RYR2: variants seen among roughly 807,000 people sequenced by gnomAD.
RYR2 encodes cardiac muscle ryanodine receptor-calcium release channel.
Under a neutral mutation model 601.1 loss-of-function variants are expected in RYR2, and 227 were observed. The observed-to-expected ratio is 0.38, with a 90% CI of 0.34 to 0.42. The LOEUF (loss-of-function observed/expected upper bound fraction) is 0.42, where lower values mean the gene tolerates loss of function less well. Among genes scored for constraint, RYR2 ranks in the 10% least tolerant of loss-of-function variants. The probability of loss-of-function intolerance (pLI) is 1.00; values close to 1 mark genes in which losing one functional copy is unlikely to be tolerated. For missense variants in RYR2, 4,646 were observed against 6,156.5 expected (o/e 0.75, Z 8.21); for synonymous variants, 2,223 against 2,175.1 (o/e 1.02, Z -0.61).
intron 42 of RYR2, 91 bp downstream of exon 42, chr1:237,631,632 T>G: frequency 1.7e-6 from 1 of 605,262 alleles, no homozygotes; most frequent in East Asian, 4.4e-5. Context: ...TTTTTTTTTT[T>G]TTTTTTTTTT....
At chr1:237,631,840 G>C (rs1018602466) in intron 42 of RYR2, among the ~76,000 whole-genome samples, 2 of 145,344 alleles carry the variant, frequency 1.4e-5, no homozygotes, top group Non-Finnish European at 3.0e-5. Flanking sequence ...GTGTTAGCCA[G>C]GATGGTCTCG....
At chr1:237,330,168 A>G (rs1338383111) in intron 2 of RYR2, among the ~76,000 whole-genome samples, 1 of 152,214 alleles carries the variant, frequency 6.6e-6, no homozygotes, top group African/African-American at 2.4e-5. Context: ...TTTAATCCTT[A>G]GCGTGAAAAT....
At chr1:237,495,777 C>G (rs1664007534) in intron 19 of RYR2, among the ~76,000 whole-genome samples, 1 of 152,174 alleles carries the variant, frequency 6.6e-6, no homozygotes, top group South Asian at 2.1e-4. Flanking sequence ...CCCCATGCCC[C>G]ATGTGACACA....
intron 10 of RYR2, among the ~76,000 whole-genome samples, chr1:237,399,194 CA>C (rs58473331): frequency 0.4 from 60,540 of 151,470 alleles, 13,325 homozygotes; most frequent in East Asian, 0.71. Flanking sequence ...GTCTCTGTCT[CA>C]AAAAAAACAT....
chr1:237,447,760 T>C (rs1657551146), intron 14 of RYR2, among the ~76,000 whole-genome samples: 1 of 146,340 alleles, frequency 6.8e-6, no homozygotes, highest in Admixed American at 6.7e-5. Context: ...CTTTCTTTCT[T>C]TTCTTTCCGT....
At chr1:237,783,599 A>T in intron 89 of RYR2, 76 bp from the exon 90 acceptor site, 2 of 832,988 alleles carry the variant, frequency 2.4e-6, no homozygotes, top group Non-Finnish European at 3.8e-6. Context: ...GTTATTAAAG[A>T]TCTACATTGT....
At chr1:237,201,908 T>G (rs1277074345) in intron 1 of RYR2, among the ~76,000 whole-genome samples, 1 of 152,220 alleles carries the variant, frequency 6.6e-6, no homozygotes, top group African/African-American at 2.4e-5. Flanking sequence ...TTATCATATC[T>G]ACTGATACAC....
intron 19 of RYR2, 145 bp from the exon 20 acceptor site, chr1:237,496,366 C>G: frequency 1.9e-6 from 2 of 1,062,664 alleles, no homozygotes; most frequent in Non-Finnish European, 2.7e-6. Flanking sequence ...TATGATTGCA[C>G]TACTGCGCTT....
chr1:237,133,156 C>T (rs971610217), intron 1 of RYR2, among the ~76,000 whole-genome samples: 4 of 152,056 alleles, frequency 2.6e-5, no homozygotes, highest in Non-Finnish European at 4.4e-5. Flanking sequence ...CAAGTCTGCA[C>T]ACAGGACTTC....
At chr1:237,508,904 G>A (rs1460057171) in intron 23 of RYR2, among the ~76,000 whole-genome samples, 6 of 150,798 alleles carry the variant, frequency 4.0e-5, no homozygotes, top group African/African-American at 9.8e-5. Context: ...TACCACGCCC[G>A]GCTAATTTTT....
In RYR2 at chr1:237,610,981, G is replaced by A; in HGVS notation, c.4903G>A (p.Glu1635Lys). The A allele has an allele frequency of 6.2e-7, 1 of 1,611,758 alleles. No homozygotes were observed. Among genetic ancestry groups the A allele is most frequent in the Non-Finnish European group, 8.5e-7 (1 of 1,178,882 alleles). ...GTTCATGTCTCTTCATATCCCTGAGGAAAACAGGTCAGCCCCAGTGAATCC... is the reference window on the plus strand; with the variant it reads ...GTTCATGTCTCTTCATATCCCTGAGAAAAACAGGTCAGCCCCAGTGAATCC... ...LQFMSLHIPE[E>K]NRSVDILELT... Residue 1635 changes from glutamate to lysine, a missense_variant, in exon 36 of 105, where the codon GAA (glutamate) becomes AAA (lysine). Transcript: ENST00000366574. The surrounding 1 kb of genome is among the most constrained non-coding windows in gnomAD (Gnocchi z 4.9).
chr1:237,795,817 G>GGTGT (rs1383645762), intron 96 of RYR2, among the ~76,000 whole-genome samples: 1 of 117,968 alleles, frequency 8.5e-6, no homozygotes, highest in Non-Finnish European at 1.8e-5. Flanking sequence ...TGTATATACA[G>GGTGT]GTATGTATGT....
intron 8 of RYR2, among the ~76,000 whole-genome samples, chr1:237,385,477 A>G (rs1406231538): frequency 1.3e-5 from 2 of 152,240 alleles, no homozygotes; most frequent in Non-Finnish European, 2.9e-5. Context: ...CTATGAGATT[A>G]CAAGCACCCT....
At chr1:237,492,115 C>T (rs1450882307) in intron 18 of RYR2, among the ~76,000 whole-genome samples, 191 bp downstream of exon 18, 1 of 152,196 alleles carries the variant, frequency 6.6e-6, no homozygotes, top group Non-Finnish European at 1.5e-5. Context: ...CCACTGCAAC[C>T]TCCGCCTCTA....
chr1:237,766,644 A>T (rs1278734634), intron 84 of RYR2, among the ~76,000 whole-genome samples: 1 of 152,214 alleles, frequency 6.6e-6, no homozygotes, highest in Admixed American at 6.5e-5. Flanking sequence ...GATGAAAAAC[A>T]ATAAGAATTT....
intron 20 of RYR2, among the ~76,000 whole-genome samples, chr1:237,498,911 C>T (rs1664349302): frequency 2.6e-5 from 4 of 152,104 alleles, no homozygotes; most frequent in Admixed American, 2.6e-4. Context: ...ATCAGGCCTA[C>T]AGTTGAAAAG....
chr1:237,551,139 C>T (rs1670344100), intron 27 of RYR2, among the ~76,000 whole-genome samples: 1 of 152,216 alleles, frequency 6.6e-6, no homozygotes, highest in South Asian at 2.1e-4. Flanking sequence ...AAGGGAAACA[C>T]ATTACAATAG....
intron 3 of RYR2, among the ~76,000 whole-genome samples, chr1:237,352,041 AT>A (rs1389364865): frequency 1.3e-5 from 2 of 151,846 alleles, no homozygotes; most frequent in South Asian, 4.1e-4. Context: ...AGATAAAAAA[AT>A]ATTTATTTTA....
chr1:237,600,235 A>T (rs1054527281), intron 34 of RYR2, among the ~76,000 whole-genome samples: 6 of 152,108 alleles, frequency 3.9e-5, no homozygotes, highest in African/African-American at 1.4e-4. Context: ...CTACAAAGCT[A>T]TGGTAACCAA....
Sources: allele counts gnomAD v4.1 joint callset (sites outside exome capture counted in the v4.1 genomes callset), GRCh38; gene constraint gnomAD v4.1.1; non-coding constraint Gnocchi (gnomAD v3.1); transcripts MANE v1.5; gene names NCBI Gene and HGNC (gene_info 2026-07-23, HGNC 2026-07-21).